Variants in XRN1 observed in about 807,000 individuals in gnomAD.
The protein encoded by XRN1 is 5'-3' exoribonuclease 1, also known as strand-exchange protein 1 homolog.
A neutral mutation model predicts 222.3 loss-of-function variants in XRN1; 67 were observed. That is an observed-to-expected ratio of 0.30 (90% CI 0.25 to 0.37). The LOEUF is 0.37. Ranked by LOEUF, XRN1 falls within the 10% of genes least tolerant of loss-of-function variation. The probability of loss-of-function intolerance (pLI) is 1.00; values close to 1 mark genes in which losing one functional copy is unlikely to be tolerated. For missense variants in XRN1, 1,707 were observed against 2,000.2 expected (o/e 0.85, Z 2.80); for synonymous variants, 643 against 652.4 (o/e 0.99, Z 0.22).
chr3:142,398,757 A>G (rs982813918), intron 19 of XRN1, among the ~76,000 whole-genome samples: 1 of 152,182 alleles, frequency 6.6e-6, no homozygotes, highest in Admixed American at 6.5e-5. Context: ...TGTGGGATAG[A>G]CGACAAAGTT....
chr3:142,366,631 G>A (rs571643806), intron 27 of XRN1, among the ~76,000 whole-genome samples: 1 of 152,110 alleles, frequency 6.6e-6, no homozygotes, highest in Admixed American at 6.6e-5. Flanking sequence ...CAGCAGTAGG[G>A]GGAGACATTA....
Position 142,309,894 on chromosome 3 carries a change from T to G in XRN1, c.*1617A>C, listed in dbSNP as rs1344059203. 10 of 152,394 alleles carry G rather than the reference T, an allele frequency of 6.6e-5. No individual in the cohort carries two copies. Among genetic ancestry groups the G allele is most frequent in the Admixed American group, 6.5e-4 (10 of 15,280 alleles). 9.4% of individuals were successfully genotyped at this position (152,394 alleles called of 1,614,324 possible). On this transcript the variant is annotated 3_prime_UTR_variant, in exon 41 of 41. Coordinates refer to ENST00000392981, the MANE Select transcript of XRN1 (RefSeq NM_001282857.2). ...AAGAGAGAGTTTATGAGGCAATAAT[T>G]ATACACATTGAGGATTTACTTGAGC... is the stretch of plus-strand genomic sequence containing the variant.
chr3:142,385,962 T>C (rs2067484718), intron 20 of XRN1, among the ~76,000 whole-genome samples: 1 of 151,210 alleles, frequency 6.6e-6, no homozygotes, highest in Non-Finnish European at 1.5e-5. Context: ...TAATATAGAC[T>C]ATATAAATAG....
chr3:142,370,355 G>A, intron 27 of XRN1, 130 bp downstream of exon 27: 1 of 1,173,286 alleles, frequency 8.5e-7, no homozygotes, highest in African/African-American at 1.6e-5. Context: ...TAAATTACAG[G>A]ATTATTTGAT....
intron 1 of XRN1, among the ~76,000 whole-genome samples, chr3:142,445,175 T>C (rs11719737): frequency 0.12 from 18,222 of 152,176 alleles, 1,131 homozygotes; most frequent in Non-Finnish European, 0.14. Context: ...TCGTCTTGCT[T>C]CTATTTGAGG....
intron 1 of XRN1, among the ~76,000 whole-genome samples, chr3:142,444,990 C>T (rs1304451928): frequency 6.6e-6 from 1 of 152,184 alleles, no homozygotes; most frequent in Non-Finnish European, 1.5e-5. Context: ...AAAATATTTA[C>T]TGAGTACCCA....
chr3:142,438,490 C>T (rs1471019133), intron 1 of XRN1, among the ~76,000 whole-genome samples: 2 of 152,118 alleles, frequency 1.3e-5, no homozygotes, highest in African/African-American at 2.4e-5. Context: ...AAGCATTAGG[C>T]CCTTACAGGA....
At chr3:142,335,229 A>C (rs965440950) in intron 34 of XRN1, among the ~76,000 whole-genome samples, 1 of 152,112 alleles carries the variant, frequency 6.6e-6, no homozygotes, top group Non-Finnish European at 1.5e-5. Flanking sequence ...CCCAACTATT[A>C]AATGAGAGAA....
chr3:142,332,893 C>T, intron 35 of XRN1, 74 bp downstream of exon 35: 1 of 1,554,932 alleles, frequency 6.4e-7, no homozygotes, highest in Non-Finnish European at 8.7e-7. Flanking sequence ...TGTTTGAACA[C>T]TTGCATGGGA....
At chr3:142,329,684 G>C in intron 36 of XRN1, 69 bp from the exon 37 acceptor site, 2 of 1,438,220 alleles carry the variant, frequency 1.4e-6, no homozygotes, top group Non-Finnish European at 1.8e-6. Flanking sequence ...ACTTATTGTA[G>C]GGTTTTATAG....
chr3:142,350,847 C>G (rs1327269726), intron 32 of XRN1, among the ~76,000 whole-genome samples: 1 of 151,962 alleles, frequency 6.6e-6, no homozygotes, highest in Non-Finnish European at 1.5e-5. Flanking sequence ...CATTAGGTAA[C>G]GTAAGTTTGT....
At chr3:142,373,446 C>T (rs1490998309) in intron 25 of XRN1, among the ~76,000 whole-genome samples, 2 of 151,714 alleles carry the variant, frequency 1.3e-5, no homozygotes, top group African/African-American at 4.8e-5. Context: ...AGAAATAATA[C>T]AAGAAAGTTT....
At chr3:142,395,565 A>C (rs1181206771) in intron 20 of XRN1, among the ~76,000 whole-genome samples, 1 of 152,112 alleles carries the variant, frequency 6.6e-6, no homozygotes, top group Non-Finnish European at 1.5e-5. Context: ...CTCACAGCTG[A>C]ACTTTTTGAA....
chr3:142,363,022 G>A (rs916108052), intron 29 of XRN1, among the ~76,000 whole-genome samples: 10 of 152,104 alleles, frequency 6.6e-5, no homozygotes, highest in South Asian at 2.1e-4. Flanking sequence ...CAATCCTCCC[G>A]CCTTGGCCTC....
intron 37 of XRN1, 54 bp downstream of exon 37, chr3:142,329,376 AATTT>A (rs2065625783): frequency 8.1e-7 from 1 of 1,233,186 alleles, no homozygotes; most frequent in Non-Finnish European, 1.0e-6. Flanking sequence ...ATTTTCAACC[AATTT>A]ATTTAAGCTT....
intron 20 of XRN1, among the ~76,000 whole-genome samples, chr3:142,386,123 A>C (rs1211577111): frequency 1.3e-5 from 2 of 151,970 alleles, no homozygotes; most frequent in Non-Finnish European, 2.9e-5. Flanking sequence ...TTTGAAACAC[A>C]CCATTTTCTA....
At chr3:142,370,196 A>G (rs1245705881) in intron 27 of XRN1, among the ~76,000 whole-genome samples, 1 of 152,152 alleles carries the variant, frequency 6.6e-6, no homozygotes, top group Non-Finnish European at 1.5e-5. Flanking sequence ...TTTAAATACT[A>G]TGGCTTTTGT....
chr3:142,318,228 A>G (rs1335691070), intron 39 of XRN1, among the ~76,000 whole-genome samples: 2 of 151,836 alleles, frequency 1.3e-5, no homozygotes, highest in African/African-American at 4.8e-5. Context: ...AAGATTTAGA[A>G]TTACAAAATG....
At chr3:142,431,887 T>TATA (rs1559879517) in intron 2 of XRN1, among the ~76,000 whole-genome samples, 9 of 34,620 alleles carry the variant, frequency 2.6e-4, no homozygotes, top group African/African-American at 1.0e-3. Flanking sequence ...ATATATATTA[T>TATA]ATATAATATA....
Sources: allele counts gnomAD v4.1 joint callset (sites outside exome capture counted in the v4.1 genomes callset), GRCh38; gene constraint gnomAD v4.1.1; transcripts MANE v1.5; gene names NCBI Gene and HGNC (gene_info 2026-07-23, HGNC 2026-07-21).